The following ZNF521 variants were observed in gnomAD, a reference collection of about 807,000 sequenced individuals.
ZNF521 encodes zinc finger protein 521.
ZNF521 carries 14 observed loss-of-function variants against 105.5 expected under a neutral mutation model. The observed-to-expected ratio is 0.13, with a 90% CI of 0.09 to 0.21. The LOEUF is 0.21. Ranked by LOEUF, ZNF521 falls within the 10% of genes least tolerant of loss-of-function variation. The pLI, the probability that ZNF521 is intolerant of heterozygous loss-of-function variation, is 1.00. For missense variants in ZNF521, 1,233 were observed against 1,629.7 expected, an observed-to-expected ratio of 0.76 and a Z score of 4.19; for synonymous variants, 635 against 606.0, an observed-to-expected ratio of 1.05 and a Z score of -0.70.
At chr18:25,273,060 C>A (rs117495815) in intron 3 of ZNF521, among the ~76,000 whole-genome samples, 3,714 of 151,134 alleles carry the variant, frequency 0.025, 59 homozygotes, top group Non-Finnish European at 0.039. Context: ...AATCCTCTCT[C>A]TACAAAAAAT....
intron 5 of ZNF521, among the ~76,000 whole-genome samples, chr18:25,154,422 T>A (rs2035105583): frequency 6.6e-6 from 1 of 152,138 alleles, no homozygotes; most frequent in Admixed American, 6.5e-5. Flanking sequence ...CCTGAGTCAT[T>A]CACCTAGCTC....
At chr18:25,159,137 A>C (rs1393439816) in intron 5 of ZNF521, among the ~76,000 whole-genome samples, 2 of 152,154 alleles carry the variant, frequency 1.3e-5, no homozygotes, top group African/African-American at 4.8e-5. Flanking sequence ...TTACAGTGAA[A>C]TGTAAAGTGC....
Position 25,225,160 on chromosome 18 carries a change from T to C in ZNF521, c.2758A>G (p.Lys920Glu). 1 of 1,614,152 alleles carries C rather than the reference T, an allele frequency of 6.2e-7. No homozygotes were observed. The highest frequency in any genetic ancestry group is 2.2e-5 in the East Asian group (1 of 44,858). ...CCTTTAATGAGCTCAGCTTTCTTTT[T>C]CACGATGGCACTTTCTCCAGGTCTG... The part of the protein sequence containing the change: ...NIRPGESAIV[K>E]KKAELIKGNY... The change falls in exon 4 of 8, where the codon AAA becomes GAA. Residue 920 changes from lysine (K) to glutamate (E), a missense_variant. Lys to Glu is a moderately conservative substitution (Grantham distance 56). Transcript: ENST00000361524. The surrounding 1 kb of genome is among the most constrained non-coding windows in gnomAD (Gnocchi z 5.6).
chr18:25,188,602 G>C lies in ZNF521; in HGVS notation c.3658+6558C>G, dbSNP rs2035766503. Among the ~76,000 whole-genome samples the C allele has an allele frequency of 2.0e-5, 3 of 152,244 alleles. No individual in the cohort carries two copies. The South Asian group carries it at 6.2e-4, about 32-fold the overall frequency. On this transcript the variant is annotated intron_variant, in intron 5 of 7. Transcript: ENST00000361524. ...AGAAACAGATACCCACATCTGATAA[G>C]GAACATATCAAAGAGTGAGTGAAAA...
At chr18:25,178,191 C>T (rs1021850568) in intron 5 of ZNF521, among the ~76,000 whole-genome samples, 1 of 152,222 alleles carries the variant, frequency 6.6e-6, no homozygotes, top group African/African-American at 2.4e-5. Context: ...CCTTTCCAAT[C>T]ATCCTATAGT....
At chr18:25,231,233 G>A (rs144591377) in intron 3 of ZNF521, among the ~76,000 whole-genome samples, 87 of 152,250 alleles carry the variant, frequency 5.7e-4, no homozygotes, top group Admixed American at 3.9e-4. Flanking sequence ...GCAGCAGAAC[G>A]GCCATATCCT....
rs1015535644 is a variant in ZNF521, at chr18:25,225,969, T to C, written c.1949A>G (p.Gln650Arg). Reference sequence around the variant, plus strand: ...GTCGAGATGAGTTTTTAGGTGAGTCTGAAAGCTGTCTAGGGATGTGTACTT... The same window carrying C: ...GTCGAGATGAGTTTTTAGGTGAGTCCGAAAGCTGTCTAGGGATGTGTACTT... The part of the protein sequence containing the change: ...GAKYTSLDSF[Q>R]THLKTHLDTV... The change falls in exon 4 of 8, where the codon CAG (glutamine) becomes CGG (arginine). Residue 650 changes from glutamine (Q) to arginine (R), a missense_variant. Gln to Arg is a conservative substitution (Grantham distance 43). Coordinates refer to ENST00000361524, the MANE Select transcript of ZNF521 (RefSeq NM_015461.3). This position sits in a 1 kb window ranked among gnomAD's most constrained non-coding sequence, Gnocchi z 5.6. 3 of 1,614,184 alleles carry C rather than the reference T, an allele frequency of 1.9e-6. No individual in the cohort carries two copies. The highest frequency in any genetic ancestry group is 2.5e-6 in the Non-Finnish European group (3 of 1,180,018).
intron 4 of ZNF521, among the ~76,000 whole-genome samples, chr18:25,199,238 G>GA (rs934964425): frequency 7.4e-5 from 11 of 149,504 alleles, no homozygotes; most frequent in African/African-American, 1.7e-4. Context: ...CTATGAGGGG[G>GA]AAAAAAAACC....
intron 3 of ZNF521, among the ~76,000 whole-genome samples, chr18:25,293,430 A>G (rs572559050): frequency 2.6e-4 from 39 of 152,268 alleles, no homozygotes; most frequent in African/African-American, 9.1e-4. Context: ...CATTACCAAG[A>G]AATTTACACT....
intron 2 of ZNF521, among the ~76,000 whole-genome samples, chr18:25,326,238 A>AT (rs2145159692): frequency 6.6e-6 from 1 of 152,338 alleles, no homozygotes; most frequent in South Asian, 2.1e-4. Flanking sequence ...TCTCTGTGCA[A>AT]CAAGGATCCC....
intron 2 of ZNF521, among the ~76,000 whole-genome samples, chr18:25,325,092 G>A (rs192820614): frequency 2.6e-5 from 4 of 152,338 alleles, no homozygotes; most frequent in Admixed American, 2.0e-4. Flanking sequence ...CCTCTGGGAA[G>A]CGGGTTCGAT....
At chr18:25,325,493 G>A (rs780870210) in intron 2 of ZNF521, among the ~76,000 whole-genome samples, 13 of 152,156 alleles carry the variant, frequency 8.5e-5, no homozygotes, top group Non-Finnish European at 1.8e-4. Context: ...ACCACTGCAG[G>A]AAGGATCATT....
At chr18:25,229,420 C>A (rs1906387676) in intron 3 of ZNF521, among the ~76,000 whole-genome samples, 1 of 152,130 alleles carries the variant, frequency 6.6e-6, no homozygotes, top group African/African-American at 2.4e-5. Context: ...TTATAGGACT[C>A]TATAACCCAA....
chr18:25,148,776 C>T (rs1170356716), intron 5 of ZNF521, among the ~76,000 whole-genome samples: 2 of 152,036 alleles, frequency 1.3e-5, no homozygotes, highest in East Asian at 3.9e-4. Context: ...TAAATTAGGG[C>T]TCAAGGAGAG....
At chr18:25,249,358 T>C (rs1444202840) in intron 3 of ZNF521, among the ~76,000 whole-genome samples, 1 of 151,844 alleles carries the variant, frequency 6.6e-6, no homozygotes, top group African/African-American at 2.4e-5. Flanking sequence ...AGGGTTTCAC[T>C]GTGTTAGCCA....
intron 5 of ZNF521, among the ~76,000 whole-genome samples, chr18:25,180,527 C>T (rs74992970): frequency 0.02 from 3,023 of 151,266 alleles, 42 homozygotes; most frequent in South Asian, 0.075. Flanking sequence ...AAAAAAAACC[C>T]CACATTTATT....
intron 5 of ZNF521, among the ~76,000 whole-genome samples, chr18:25,179,053 C>T (rs1045730269): frequency 6.7e-6 from 1 of 149,710 alleles, no homozygotes; most frequent in Non-Finnish European, 1.5e-5. Context: ...AAGTGCAAAA[C>T]CAAACAAACC....
intron 5 of ZNF521, among the ~76,000 whole-genome samples, chr18:25,094,846 A>C (rs1005349388): frequency 1.4e-4 from 21 of 152,150 alleles, no homozygotes; most frequent in African/African-American, 5.1e-4. Context: ...ATGTATAATG[A>C]GAAAGAGAGA....
intron 2 of ZNF521, among the ~76,000 whole-genome samples, chr18:25,342,479 A>C (rs1408054121): frequency 1.4e-5 from 2 of 147,980 alleles, no homozygotes; most frequent in Non-Finnish European, 3.0e-5. Flanking sequence ...TGGAGCCCGG[A>C]GTGCAGTGGA....
Sources: gnomAD v4.1 joint callset for allele counts (sites outside exome capture counted in the v4.1 genomes callset) on GRCh38, gnomAD v4.1.1 for gene constraint, Gnocchi (gnomAD v3.1) non-coding constraint, MANE v1.5 for transcripts, NCBI Gene and HGNC (gene_info 2026-07-23, HGNC 2026-07-21) for gene names.